The following MYO6 variants were observed in gnomAD, a reference collection of about 807,000 sequenced individuals.
MYO6 encodes the protein myosin VI, also known as unconventional myosin-VI.
MYO6 carries 74 observed loss-of-function variants against 178.7 expected under a neutral mutation model. The ratio of observed to expected loss-of-function variants is 0.41; its 90% confidence interval spans 0.34 to 0.50. MYO6 has a LOEUF of 0.50. MYO6 is among the 20% of genes least tolerant of loss of function. MYO6 has a pLI of 0.09. For missense variants in MYO6, 1,330 were observed against 1,547.4 expected (o/e 0.86, Z 2.36); for synonymous variants, 477 against 504.6 (o/e 0.95, Z 0.73).
At chr6:75,864,566 A>G (rs1776484909) in intron 16 of MYO6, among the ~76,000 whole-genome samples, 1 of 152,150 alleles carries the variant, frequency 6.6e-6, no homozygotes, top group Non-Finnish European at 1.5e-5. Flanking sequence ...CTATGGATGC[A>G]TGATTACCTT....
At chr6:75,903,423 A>G (rs929785954) in intron 30 of MYO6, among the ~76,000 whole-genome samples, 16 of 151,206 alleles carry the variant, frequency 1.1e-4, no homozygotes, top group Non-Finnish European at 1.6e-4. Context: ...TATTGGGTGC[A>G]TATATATTTA....
intron 29 of MYO6, among the ~76,000 whole-genome samples, chr6:75,898,010 G>T (rs564788007): frequency 1.2e-4 from 18 of 152,170 alleles, no homozygotes; most frequent in Non-Finnish European, 2.4e-4. Flanking sequence ...CAACTCTGGT[G>T]CAAAAATCCT....
chr6:75,759,272 C>CATAT (rs1444060112), intron 1 of MYO6, among the ~76,000 whole-genome samples: 2 of 152,142 alleles, frequency 1.3e-5, no homozygotes, highest in Admixed American at 1.3e-4. Context: ...CATTGTTAGT[C>CATAT]ATATCAGGCA....
At position 75,892,521 on chromosome 6, in the gene MYO6, C is replaced by T; in HGVS notation, c.2947-9C>T. On this transcript the variant is annotated splice_polypyrimidine_tract_variant and intron_variant, in intron 27 of 34. Transcript: ENST00000369977. ...AACTCTTGGTGAAATAGCTTTCTGC[C>T]CTTGTCAGGCTGAAGTGGAGGCACA... The T allele has an allele frequency of 1.2e-6, 2 of 1,613,878 alleles. No homozygotes were observed. The highest frequency in any genetic ancestry group is 1.7e-5 in the Admixed American group (1 of 59,996).
chr6:75,896,556 A>G (rs1006733703), intron 29 of MYO6, among the ~76,000 whole-genome samples: 11 of 152,260 alleles, frequency 7.2e-5, no homozygotes, highest in Non-Finnish European at 1.2e-4. Context: ...TTCTGTGAAT[A>G]TTAAAGGCAT....
At chr6:75,777,666 G>A (rs1038565681) in intron 1 of MYO6, among the ~76,000 whole-genome samples, 5 of 151,676 alleles carry the variant, frequency 3.3e-5, no homozygotes, top group Non-Finnish European at 5.9e-5. Flanking sequence ...CAAACTTTTG[G>A]GCTCAATCTG....
At chr6:75,857,751 A>G in intron 13 of MYO6, among the ~76,000 whole-genome samples, 1 of 152,242 alleles carries the variant, frequency 6.6e-6, no homozygotes, top group African/African-American at 2.4e-5. Context: ...AATTAATAAG[A>G]TATCAAGGTA....
At chr6:75,821,048 T>C (rs1456363279) in intron 2 of MYO6, among the ~76,000 whole-genome samples, 1 of 152,198 alleles carries the variant, frequency 6.6e-6, no homozygotes, top group Non-Finnish European at 1.5e-5. Flanking sequence ...AAACAATTAA[T>C]GAAACATTTT....
intron 29 of MYO6, 108 bp downstream of exon 29, chr6:75,895,368 G>C (rs1779213283): frequency 1.1e-6 from 1 of 874,172 alleles, no homozygotes; most frequent in Non-Finnish European, 1.9e-6. Context: ...GAAAGGTAAT[G>C]AGATAACCTT....
intron 25 of MYO6, among the ~76,000 whole-genome samples, chr6:75,888,064 C>T (rs1049612520): frequency 4.6e-4 from 68 of 148,064 alleles, no homozygotes; most frequent in Admixed American, 4.7e-4. Flanking sequence ...CCGAGGTGGG[C>T]GGATTATTTG....
At position 75,858,998 on chromosome 6, in the gene MYO6, T is replaced by C; in HGVS notation, c.1473+5T>C. 6.5e-7 allele frequency: 1 copy of C among 1,544,344 alleles called. No homozygotes were observed. Among genetic ancestry groups the C allele is most frequent in the Non-Finnish European group, 8.9e-7 (1 of 1,118,184 alleles). On this transcript the variant is annotated splice_donor_5th_base_variant and intron_variant, in intron 14 of 34. Coordinates refer to ENST00000369977, the MANE Select transcript of MYO6 (RefSeq NM_004999.4). ...AATGAAAGGATTCTGAAGGAGGTAA[T>C]TGCCATTATAAGTTTAATTTAAGAT...
intron 30 of MYO6, among the ~76,000 whole-genome samples, chr6:75,904,260 T>C (rs1404269655): frequency 2.0e-5 from 3 of 150,314 alleles, no homozygotes; most frequent in Non-Finnish European, 4.5e-5. Flanking sequence ...ATTTCCTGAA[T>C]CTGAATGTTG....
chr6:75,882,323 T>A (rs1009892742), intron 23 of MYO6, among the ~76,000 whole-genome samples: 1 of 152,240 alleles, frequency 6.6e-6, no homozygotes, highest in African/African-American at 2.4e-5. Context: ...AATAATTCCA[T>A]TAGCTCCCAG....
At chr6:75,908,199 T>G (rs2149417108) in intron 31 of MYO6, among the ~76,000 whole-genome samples, 1 of 152,332 alleles carries the variant, frequency 6.6e-6, no homozygotes, top group South Asian at 2.1e-4. Flanking sequence ...CTTGTTGCCT[T>G]CGACAAATTG....
chr6:75,769,404 T>C (rs933444283), intron 1 of MYO6, among the ~76,000 whole-genome samples: 6 of 152,172 alleles, frequency 3.9e-5, no homozygotes, highest in African/African-American at 1.4e-4. Flanking sequence ...GTACAGGCTT[T>C]GGGTAAGCAT....
At chr6:75,831,674 T>G (rs1773098622) in intron 5 of MYO6, among the ~76,000 whole-genome samples, 1 of 152,110 alleles carries the variant, frequency 6.6e-6, no homozygotes, top group Non-Finnish European at 1.5e-5. Context: ...GGCGGATCGC[T>G]TGAGCCTGGG....
chr6:75,864,169 A>G (rs901309584), intron 16 of MYO6, among the ~76,000 whole-genome samples: 21 of 152,248 alleles, frequency 1.4e-4, no homozygotes, highest in African/African-American at 4.8e-4. Flanking sequence ...TTGCCTCTCA[A>G]ACAAACTGTA....
chr6:75,881,947 T>C (rs1222502512), intron 23 of MYO6, 129 bp downstream of exon 23: 2 of 1,060,196 alleles, frequency 1.9e-6, no homozygotes. Context: ...GGTCCCAGGT[T>C]CCTATTTGTA....
intron 20 of MYO6, among the ~76,000 whole-genome samples, chr6:75,877,290 A>G (rs1450150624): frequency 1.4e-5 from 2 of 146,212 alleles, no homozygotes; most frequent in Non-Finnish European, 3.0e-5. Flanking sequence ...TTTTTGAGAC[A>G]GAGTCTCACT....
Sources: gnomAD v4.1 joint callset for allele counts (sites outside exome capture counted in the v4.1 genomes callset) on GRCh38, gnomAD v4.1.1 for gene constraint, MANE v1.5 for transcripts, NCBI Gene and HGNC (gene_info 2026-07-23, HGNC 2026-07-21) for gene names.